The following CELF2 variants were observed in gnomAD, a reference collection of about 807,000 sequenced individuals.
CELF2 encodes the protein CUG triplet repeat RNA-binding protein 2.
Under a neutral mutation model 62.6 loss-of-function variants are expected in CELF2, and 8 were observed. The observed-to-expected ratio is 0.13, with a 90% CI of 0.07 to 0.23. The LOEUF is 0.23. CELF2 is among the 10% of genes least tolerant of loss of function. The pLI, the probability that CELF2 is intolerant of heterozygous loss-of-function variation, is 1.00. For missense variants in CELF2, 333 were observed against 671.0 expected (o/e 0.50, Z 5.56); for synonymous variants, 258 against 250.0 (o/e 1.03, Z -0.30).
At chr10:10,677,240 T>A in the CELF2 span, among the ~76,000 whole-genome samples, 4 of 152,350 alleles carry the variant, frequency 2.6e-5, no homozygotes, top group African/African-American at 4.8e-5. Context: ...ATTTATACAC[T>A]GACTGAGTGG....
At chr10:10,483,939 CTCTCTCTCTCA>C in the CELF2 span, among the ~76,000 whole-genome samples, 2 of 145,832 alleles carry the variant, frequency 1.4e-5, no homozygotes, top group Admixed American at 6.8e-5. Flanking sequence ...TCTCTCTCGT[CTCTCTCTCTCA>C]TCTCTCTCTC....
At chr10:11,109,668 A>AT (rs1253570181) in intron 1 of CELF2, among the ~76,000 whole-genome samples, 1 of 151,928 alleles carries the variant, frequency 6.6e-6, no homozygotes, top group African/African-American at 2.4e-5. Flanking sequence ...AGAGCAGGTG[A>AT]TTTTTTCAGT....
intron 1 of CELF2, among the ~76,000 whole-genome samples, chr10:10,873,027 C>T (rs1482365355): frequency 6.6e-6 from 1 of 152,140 alleles, no homozygotes; most frequent in Non-Finnish European, 1.5e-5. Context: ...CAGCTTTCCT[C>T]ACTCACTCAC....
chr10:11,010,146 G>C lies in CELF2; in HGVS notation c.53+4706G>C, dbSNP rs1277206983. The C allele has an allele frequency of 6.6e-6, 1 of 152,234 alleles. No homozygotes were observed. 9.4% of individuals were successfully genotyped at this position (152,234 alleles called of 1,614,324 possible). A position where few individuals can be genotyped will look rare whatever the true frequency, so the allele number is the denominator to read the frequency against. Reference sequence around the variant, plus strand: ...GAGAGTCCAGCTCTCCTCTGGGCTCGATGAGAAGGCTGACCTGCTCATTTG... The same window carrying C: ...GAGAGTCCAGCTCTCCTCTGGGCTCCATGAGAAGGCTGACCTGCTCATTTG... On this transcript the variant is annotated intron_variant, in intron 1 of 12. Transcript: ENST00000416382. This position sits in a 1 kb window ranked among gnomAD's most constrained non-coding sequence, Gnocchi z 4.1.
chr10:10,471,782 A>G, the CELF2 span, among the ~76,000 whole-genome samples: 4 of 151,946 alleles, frequency 2.6e-5, no homozygotes, highest in South Asian at 2.1e-4. Context: ...TTGGAATGCT[A>G]TCCTCCTGGT....
rs751928000 is a variant in CELF2, at chr10:11,335,464, G to A, written c.*6411G>A. On this transcript the variant is annotated 3_prime_UTR_variant, in exon 13 of 13. Coordinates refer to ENST00000633077, the MANE Select transcript of CELF2 (RefSeq NM_001326342.2). This position sits in a 1 kb window ranked among gnomAD's most constrained non-coding sequence, Gnocchi z 5.0. ...CTCGTTGCAGCAGCCCCTCTGGCCC[G>A]AGATTGTATTTTCTAGTCTGCTCAA... is the stretch of plus-strand genomic sequence containing the variant. 8 of 152,194 alleles carry A rather than the reference G, an allele frequency of 5.3e-5. No individual in the cohort carries two copies. The highest frequency in any genetic ancestry group is 1.9e-4 in the East Asian group (1 of 5,188). 9.4% of individuals were successfully genotyped at this position (152,194 alleles called of 1,614,324 possible).
the CELF2 span, among the ~76,000 whole-genome samples, chr10:10,509,945 C>A: frequency 6.6e-6 from 1 of 152,184 alleles, no homozygotes; most frequent in African/African-American, 2.4e-5. Flanking sequence ...ATTGACCTTG[C>A]CAATGAACTT....
At chr10:10,848,527 TTTAAA>T (rs1163246800) in intron 1 of CELF2, among the ~76,000 whole-genome samples, 4 of 152,216 alleles carry the variant, frequency 2.6e-5, no homozygotes, top group African/African-American at 9.7e-5. Context: ...GACAGAAATC[TTTAAA>T]TTAAAGTAAT....
the CELF2 span, among the ~76,000 whole-genome samples, chr10:10,483,316 T>C: frequency 6.7e-6 from 1 of 150,192 alleles, no homozygotes. Context: ...CCTCTCCAAA[T>C]ATCTATGTCC....
At chr10:10,806,173 G>A (rs975725993) in intron 1 of CELF2, among the ~76,000 whole-genome samples, 2 of 151,480 alleles carry the variant, frequency 1.3e-5, no homozygotes, top group Non-Finnish European at 2.9e-5. Context: ...TCCTGGAGCA[G>A]AGCATGGGAG....
At chr10:10,575,637 A>ATT in the CELF2 span, among the ~76,000 whole-genome samples, 1 of 152,196 alleles carries the variant, frequency 6.6e-6, no homozygotes, top group Non-Finnish European at 1.5e-5. Context: ...TGTTCCAAGA[A>ATT]TTGAAAGCTT....
At chr10:11,196,060 G>T (rs1343097018) in intron 2 of CELF2, among the ~76,000 whole-genome samples, 1 of 151,334 alleles carries the variant, frequency 6.6e-6, no homozygotes, top group Non-Finnish European at 1.5e-5. Flanking sequence ...GGTCCCTTGA[G>T]AATTACTTTA....
At chr10:10,514,865 T>C in the CELF2 span, among the ~76,000 whole-genome samples, 27 of 152,314 alleles carry the variant, frequency 1.8e-4, no homozygotes, top group Middle Eastern at 6.8e-3. Flanking sequence ...AAAACCTCTA[T>C]TGTGTCATGT....
chr10:10,717,266 A>G, the CELF2 span, among the ~76,000 whole-genome samples: 8 of 152,316 alleles, frequency 5.3e-5, no homozygotes, highest in Admixed American at 3.9e-4. Flanking sequence ...TGGTGTGGTA[A>G]TAAAATAATT....
At chr10:10,944,088 G>A (rs1303708517) in intron 2 of CELF2, 1 of 152,558 alleles carries the variant, frequency 6.6e-6, no homozygotes, top group Non-Finnish European at 1.5e-5. Flanking sequence ...GTGACTTTGA[G>A]CCTTGTAAGT....
At chr10:10,560,056 G>A in the CELF2 span, among the ~76,000 whole-genome samples, 1 of 152,144 alleles carries the variant, frequency 6.6e-6, no homozygotes, top group South Asian at 2.1e-4. Context: ...TGGAATGAGG[G>A]CTCAATGTCT....
chr10:10,624,745 A>G, the CELF2 span, among the ~76,000 whole-genome samples: 1 of 152,188 alleles, frequency 6.6e-6, no homozygotes. Context: ...TTTCCCTGAG[A>G]TTTGACAAAT....
rs2096057448 is a variant in CELF2 at position 11,332,986 on chromosome 10, C to G, written c.*3933C>G. Reference sequence around the variant, plus strand: ...TACGTGGAAACACAAGAGCCCACCACTTGAATTTCTAAGACCATTTCATTC... The same window carrying G: ...TACGTGGAAACACAAGAGCCCACCAGTTGAATTTCTAAGACCATTTCATTC... On this transcript the variant is annotated 3_prime_UTR_variant, in exon 13 of 13. Transcript: ENST00000633077. 1 of 152,648 alleles carries G rather than the reference C, an allele frequency of 6.6e-6. No individual in the cohort carries two copies. Among genetic ancestry groups the G allele is most frequent in the Non-Finnish European group, 1.5e-5 (1 of 68,050 alleles). The allele number at this position is 152,648 out of a possible 1,614,324, so 9.5% of individuals were successfully genotyped here. A position where few individuals can be genotyped will look rare whatever the true frequency, so the allele number is the denominator to read the frequency against.
the CELF2 span, among the ~76,000 whole-genome samples, chr10:10,576,340 A>G: frequency 6.6e-6 from 1 of 152,186 alleles, no homozygotes; most frequent in African/African-American, 2.4e-5. Context: ...CTTTTTTTTA[A>G]ATAAGATGCA....
Sources: allele counts gnomAD v4.1 joint callset (sites outside exome capture counted in the v4.1 genomes callset), GRCh38; gene constraint gnomAD v4.1.1; non-coding constraint Gnocchi (gnomAD v3.1); transcripts MANE v1.5; gene names NCBI Gene and HGNC (gene_info 2026-07-23, HGNC 2026-07-21).